CNTNAP5: variants seen among roughly 807,000 people sequenced by gnomAD.
The protein encoded by CNTNAP5 is contactin-associated protein-like 5.
Under a neutral mutation model 150.2 loss-of-function variants are expected in CNTNAP5, and 72 were observed. The ratio of observed to expected loss-of-function variants is 0.48; its 90% CI spans 0.40 to 0.58. CNTNAP5 has a LOEUF of 0.58. CNTNAP5 is among the 20% of genes least tolerant of loss of function. The pLI, the probability that CNTNAP5 is intolerant of heterozygous loss-of-function variation, is 0.00. For synonymous variants in CNTNAP5, 672 were observed against 619.8 expected, an observed-to-expected ratio of 1.08 and a Z score of -1.25; for missense variants, 1,636 against 1,626.2, an observed-to-expected ratio of 1.01 and a Z score of -0.10.
chr2:124,115,792 T>TTGTGTGTGTGTGTGTGTGTGTG (rs5834038), intron 1 of CNTNAP5, among the ~76,000 whole-genome samples: 2 of 138,304 alleles, frequency 1.4e-5, no homozygotes, highest in Middle Eastern at 3.8e-3. Flanking sequence ...GCCTGGCTAA[T>TTGTGTGTGTGTGTGTGTGTGTG]TGTGTGTGTG....
chr2:124,684,958 C>G (rs1019962297), intron 13 of CNTNAP5, among the ~76,000 whole-genome samples: 9 of 152,084 alleles, frequency 5.9e-5, no homozygotes, highest in Non-Finnish European at 4.4e-5. Context: ...AATCACCAGG[C>G]CTTCCTATGC....
At chr2:124,687,125 G>A (rs1210701031) in intron 13 of CNTNAP5, among the ~76,000 whole-genome samples, 2 of 152,004 alleles carry the variant, frequency 1.3e-5, no homozygotes, top group African/African-American at 4.8e-5. Flanking sequence ...GGGTACCTGG[G>A]GCTAGAGTTG....
At chr2:124,658,284 T>G in intron 13 of CNTNAP5, among the ~76,000 whole-genome samples, 1 of 152,190 alleles carries the variant, frequency 6.6e-6, no homozygotes, top group Non-Finnish European at 1.5e-5. Flanking sequence ...ATTGATTCTC[T>G]GTAACCTTGA....
chr2:124,802,593 G>A (rs1681992494), intron 19 of CNTNAP5, among the ~76,000 whole-genome samples: 1 of 152,198 alleles, frequency 6.6e-6, no homozygotes, highest in African/African-American at 2.4e-5. Context: ...ACGGTTGGAG[G>A]AGAAAGGGTC....
chr2:124,321,015 A>G (rs1689084447), intron 3 of CNTNAP5, among the ~76,000 whole-genome samples: 1 of 152,230 alleles, frequency 6.6e-6, no homozygotes, highest in Admixed American at 6.5e-5. Context: ...GGCTATGATA[A>G]GCAGTCATTC....
chr2:124,671,726 G>A (rs1678827168), intron 13 of CNTNAP5, among the ~76,000 whole-genome samples: 1 of 152,046 alleles, frequency 6.6e-6, no homozygotes, highest in African/African-American at 2.4e-5. Flanking sequence ...TGCAACTTCT[G>A]CCTCCCAGGT....
intron 13 of CNTNAP5, 23 bp from the exon 14 acceptor site, chr2:124,747,206 T>C (rs762554120): frequency 6.2e-7 from 1 of 1,607,996 alleles, no homozygotes; most frequent in Admixed American, 1.7e-5. Context: ...CTACCCTGAC[T>C]GGTGGAATAT....
intron 13 of CNTNAP5, among the ~76,000 whole-genome samples, chr2:124,692,940 A>G (rs554384280): frequency 6.6e-5 from 10 of 152,214 alleles, no homozygotes; most frequent in African/African-American, 2.4e-4. Context: ...GTGATTCCCC[A>G]AAGGGCACAT....
chr2:124,230,816 G>T (rs148013440), intron 2 of CNTNAP5, among the ~76,000 whole-genome samples: 1 of 152,228 alleles, frequency 6.6e-6, no homozygotes, highest in African/African-American at 2.4e-5. Context: ...ACAGGCGTGA[G>T]CCACTGCGCC....
intron 5 of CNTNAP5, 108 bp downstream of exon 5, chr2:124,434,795 A>C (rs532527174): frequency 3.4e-6 from 3 of 895,072 alleles, no homozygotes; most frequent in East Asian, 2.7e-5. Context: ...ACTGGAGCAC[A>C]ATATAAGTGA....
intron 6 of CNTNAP5, among the ~76,000 whole-genome samples, chr2:124,451,398 G>T (rs1200158902): frequency 1.3e-5 from 2 of 151,658 alleles, no homozygotes; most frequent in Non-Finnish European, 2.9e-5. Context: ...CCAGAAACTT[G>T]GAACTAAGAT....
intron 7 of CNTNAP5, among the ~76,000 whole-genome samples, chr2:124,491,857 G>A (rs190462507): frequency 2.0e-5 from 3 of 151,762 alleles, no homozygotes; most frequent in East Asian, 1.9e-4. Flanking sequence ...TTCCCTAAAC[G>A]ATTAACAATA....
chr2:124,257,382 G>A (rs1186396), intron 3 of CNTNAP5, among the ~76,000 whole-genome samples: 50,682 of 152,018 alleles, frequency 0.33, 8,835 homozygotes, highest in Admixed American at 0.41. Flanking sequence ...TTCCTCCAGG[G>A]CACCTAGCAC....
chr2:124,402,849 G>T lies in CNTNAP5; in HGVS notation c.382-14594G>T, dbSNP rs149129664. On this transcript the variant is annotated intron_variant, in intron 3 of 23. Coordinates refer to ENST00000682447, the MANE Select transcript of CNTNAP5 (RefSeq NM_001367498.1). ...TTGTCTCCTCAAATCTATCATTTCAGAGTTCCTCTTAGCTACCAGTAGTGG... is the reference window on the plus strand; with the variant it reads ...TTGTCTCCTCAAATCTATCATTTCATAGTTCCTCTTAGCTACCAGTAGTGG... 1.5e-3 allele frequency among the ~76,000 whole-genome samples: 228 copies of T among 152,282 alleles called. 1 individual carries two copies. The highest frequency in any genetic ancestry group is 4.8e-3 in the African/African-American group (198 of 41,554).
At chr2:124,585,158 G>A (rs1271395095) in intron 11 of CNTNAP5, among the ~76,000 whole-genome samples, 1 of 152,186 alleles carries the variant, frequency 6.6e-6, no homozygotes, top group Non-Finnish European at 1.5e-5. Flanking sequence ...CAGGATGGCT[G>A]GTACATGAAG....
intron 3 of CNTNAP5, among the ~76,000 whole-genome samples, chr2:124,344,895 A>G (rs1326717191): frequency 6.6e-6 from 1 of 152,156 alleles, no homozygotes; most frequent in Non-Finnish European, 1.5e-5. Flanking sequence ...GCCCTTGGAA[A>G]CCCCTGAATC....
intron 11 of CNTNAP5, among the ~76,000 whole-genome samples, chr2:124,598,787 A>G (rs1696899374): frequency 2.0e-5 from 3 of 152,110 alleles, no homozygotes; most frequent in Admixed American, 2.0e-4. Context: ...TGTCCTAGCA[A>G]TCAGCGAGAT....
In CNTNAP5 at chr2:124,371,422, T is replaced by G. The variant is rs552425665; in HGVS notation, c.382-46021T>G. Among the ~76,000 whole-genome samples the G allele has an allele frequency of 4.1e-3, 622 of 152,194 alleles. 2 individuals are homozygous for G. Among genetic ancestry groups the G allele is most frequent in the Non-Finnish European group, 7.5e-3 (509 of 67,974 alleles). Reference sequence around the variant, plus strand: ...GGTAGATTTTCTCAAAGTATTCCCCTAGAAAACCTTGTAAGATTCAAAAAG... The same window carrying G: ...GGTAGATTTTCTCAAAGTATTCCCCGAGAAAACCTTGTAAGATTCAAAAAG... On this transcript the variant is annotated intron_variant, in intron 3 of 23. Coordinates refer to ENST00000682447, the MANE Select transcript of CNTNAP5 (RefSeq NM_001367498.1).
intron 13 of CNTNAP5, among the ~76,000 whole-genome samples, chr2:124,713,348 T>C (rs1679874733): frequency 7.4e-6 from 1 of 135,442 alleles, no homozygotes; most frequent in Non-Finnish European, 1.6e-5. Flanking sequence ...TCTTTCTTTC[T>C]TTCTTTCTTT....
Sources: allele counts gnomAD v4.1 joint callset (sites outside exome capture counted in the v4.1 genomes callset), GRCh38; gene constraint gnomAD v4.1.1; transcripts MANE v1.5; gene names NCBI Gene and HGNC (gene_info 2026-07-23, HGNC 2026-07-21).